Variants in PRUNE2 observed in about 807,000 individuals in gnomAD.
The protein encoded by PRUNE2 is prune homolog 2 with BCH domain.
PRUNE2 carries 164 observed loss-of-function variants against 252.0 expected under a neutral mutation model. The observed-to-expected ratio is 0.65, with a 90% CI of 0.57 to 0.74. The LOEUF (loss-of-function observed/expected upper bound fraction) is 0.74, where lower values mean the gene tolerates loss of function less well. Ranked by LOEUF, PRUNE2 falls within the 30% of genes least tolerant of loss-of-function variation. PRUNE2 has a pLI of 0.00. For synonymous variants in PRUNE2, 1,292 were observed against 1,350.2 expected (o/e 0.96, Z 0.94); for missense variants, 3,495 against 3,711.0 (o/e 0.94, Z 1.51).
intron 9 of PRUNE2, among the ~76,000 whole-genome samples, chr9:76,664,616 GT>G (rs1356569776): frequency 6.6e-6 from 1 of 152,136 alleles, no homozygotes; most frequent in Non-Finnish European, 1.5e-5. Context: ...CATCTCCTGC[GT>G]TCAAGTGATT....
chr9:76,864,920 A>T (rs2060752574), intron 1 of PRUNE2, among the ~76,000 whole-genome samples: 1 of 152,232 alleles, frequency 6.6e-6, no homozygotes, highest in Admixed American at 6.5e-5. Flanking sequence ...AGGACCCACG[A>T]TAAGCTCTCA....
chr9:76,847,722 T>G (rs2059745724), intron 3 of PRUNE2, among the ~76,000 whole-genome samples: 1 of 152,248 alleles, frequency 6.6e-6, no homozygotes, highest in Non-Finnish European at 1.5e-5. Context: ...TTATTCTTTC[T>G]GCCTGTCAAA....
intron 6 of PRUNE2, among the ~76,000 whole-genome samples, chr9:76,717,683 C>T (rs909963485): frequency 6.6e-6 from 1 of 152,030 alleles, no homozygotes; most frequent in Admixed American, 6.6e-5. Context: ...ACCACCCCCC[C>T]CACCAGCCAC....
chr9:76,641,001 G>A (rs1842365419), intron 12 of PRUNE2, among the ~76,000 whole-genome samples: 1 of 152,136 alleles, frequency 6.6e-6, no homozygotes, highest in South Asian at 2.1e-4. Context: ...GAAAGGGAAA[G>A]ACTGAGGTTT....
chr9:76,718,453 C>T (rs927729138), intron 6 of PRUNE2, among the ~76,000 whole-genome samples: 8 of 151,782 alleles, frequency 5.3e-5, no homozygotes, highest in African/African-American at 1.9e-4. Context: ...TTGCCAAATC[C>T]AAAGATAACA....
chr9:76,704,931 T>A lies in PRUNE2; in HGVS notation c.7343A>T (p.Asn2448Ile). The A allele has an allele frequency of 1.2e-6, 2 of 1,611,992 alleles. No individual in the cohort carries two copies. The highest frequency in any genetic ancestry group is 1.1e-5 in the South Asian group (1 of 90,676). ...RSEGNQAETK[N>I]RLPGSQLAVL... ...AGCCAGCTGGGATCCAGGCAGTCTG[T>A]TTTTGGTCTCAGCCTGGTTTCCCTC... The change falls in exon 8 of 19, where the codon AAC (asparagine) becomes ATC (isoleucine). Residue 2448 changes from asparagine (N) to isoleucine (I), a missense_variant. Asn to Ile is a moderately radical substitution (Grantham distance 149). Transcript: ENST00000376718.
At chr9:76,801,657 A>C (rs2056565740) in intron 6 of PRUNE2, among the ~76,000 whole-genome samples, 2 of 152,206 alleles carry the variant, frequency 1.3e-5, no homozygotes, top group African/African-American at 4.8e-5. Context: ...TCTGGTAGCG[A>C]CTACCTTGTG....
intron 3 of PRUNE2, among the ~76,000 whole-genome samples, chr9:76,847,541 T>C (rs1048263704): frequency 6.6e-6 from 1 of 152,128 alleles, no homozygotes; most frequent in African/African-American, 2.4e-5. Flanking sequence ...GACTAGCTGG[T>C]AGACTAGTGA....
chr9:76,703,292 T>G (rs770227678), intron 9 of PRUNE2, 45 bp downstream of exon 9: 5 of 1,514,488 alleles, frequency 3.3e-6, no homozygotes, highest in Non-Finnish European at 3.5e-6. Context: ...GGTTTCTAAA[T>G]AAATTGCTTT....
At chr9:76,615,769 G>GT (rs58726178) in intron 18 of PRUNE2, among the ~76,000 whole-genome samples, 14,265 of 92,586 alleles carry the variant, frequency 0.15, 2,028 homozygotes, top group East Asian at 0.41. Flanking sequence ...TGTGTGTGTG[G>GT]TTTTTTTTTT....
chr9:76,898,383 CACAG>C, intron 1 of PRUNE2, among the ~76,000 whole-genome samples: 1 of 152,168 alleles, frequency 6.6e-6, no homozygotes. Flanking sequence ...AGGATGGGAA[CACAG>C]ACAATCTTTG....
chr9:76,722,071 A>G (rs959685149), intron 6 of PRUNE2, among the ~76,000 whole-genome samples: 2 of 150,838 alleles, frequency 1.3e-5, no homozygotes, highest in Admixed American at 1.3e-4. Context: ...GTTCTTTTTT[A>G]TTTTTGAGAC....
At chr9:76,692,245 C>T (rs972435306) in intron 9 of PRUNE2, 5 of 696,022 alleles carry the variant, frequency 7.2e-6, no homozygotes, top group Non-Finnish European at 8.0e-6. Context: ...TCCCAGATCT[C>T]CCCATGCAGC....
At chr9:76,776,283 C>T (rs942157181) in intron 6 of PRUNE2, among the ~76,000 whole-genome samples, 4 of 152,088 alleles carry the variant, frequency 2.6e-5, no homozygotes, top group East Asian at 1.9e-4. Flanking sequence ...TTCCTTACCA[C>T]CCTCCCGCCT....
intron 1 of PRUNE2, among the ~76,000 whole-genome samples, chr9:76,856,903 G>A (rs146783555): frequency 0.01 from 1,563 of 152,040 alleles, 29 homozygotes; most frequent in African/African-American, 0.035. Context: ...ACAGGTGCCC[G>A]CTACCACATC....
intron 17 of PRUNE2, among the ~76,000 whole-genome samples, chr9:76,620,516 T>C (rs4745567): frequency 0.8 from 121,005 of 152,072 alleles, 48,876 homozygotes; most frequent in East Asian, 0.86. Context: ...TTAAGTGCAG[T>C]TGTCCTCTTA....
intron 6 of PRUNE2, among the ~76,000 whole-genome samples, chr9:76,804,199 T>C (rs1214175822): frequency 6.6e-6 from 1 of 152,186 alleles, no homozygotes; most frequent in Non-Finnish European, 1.5e-5. Context: ...TTTTTCACTT[T>C]AGATTTCCAC....
intron 6 of PRUNE2, among the ~76,000 whole-genome samples, chr9:76,729,756 AT>A (rs909163596): frequency 6.6e-6 from 1 of 152,168 alleles, no homozygotes; most frequent in South Asian, 2.1e-4. Flanking sequence ...CTTTTAAAGT[AT>A]TTTTTTCTTT....
intron 6 of PRUNE2, among the ~76,000 whole-genome samples, chr9:76,780,599 G>A (rs372189975): frequency 2.6e-5 from 4 of 152,314 alleles, no homozygotes; most frequent in African/African-American, 9.6e-5. Flanking sequence ...GCTGAGGCAG[G>A]AGAATGGCGT....
Sources: allele counts gnomAD v4.1 joint callset (sites outside exome capture counted in the v4.1 genomes callset), GRCh38; gene constraint gnomAD v4.1.1; transcripts MANE v1.5; gene names NCBI Gene and HGNC (gene_info 2026-07-23, HGNC 2026-07-21).